The following ADARB2 variants were observed in gnomAD, a reference collection of about 807,000 sequenced individuals.
The protein encoded by ADARB2 is adenosine deaminase RNA specific B2 (inactive).
ADARB2 carries 25 observed loss-of-function variants against 62.2 expected under a neutral mutation model. The ratio of observed to expected loss-of-function variants is 0.40; its 90% CI spans 0.29 to 0.56. The LOEUF (loss-of-function observed/expected upper bound fraction) is 0.56. ADARB2 is among the 20% of genes least tolerant of loss of function. ADARB2 has a pLI of 0.43. For synonymous variants in ADARB2, 572 were observed against 500.8 expected (o/e 1.14, Z -1.90); for missense variants, 1,071 against 1,077.4 (o/e 0.99, Z 0.08).
chr10:1,666,483 C>T (rs1474641232), intron 1 of ADARB2, among the ~76,000 whole-genome samples: 2 of 152,244 alleles, frequency 1.3e-5, no homozygotes, highest in Non-Finnish European at 2.9e-5. Flanking sequence ...CGTGTTCCCG[C>T]AGGAAAGCTG....
At chr10:1,275,492 GTCTT>G (rs765278410) in intron 3 of ADARB2, among the ~76,000 whole-genome samples, 73 of 151,770 alleles carry the variant, frequency 4.8e-4, no homozygotes, top group Middle Eastern at 6.8e-3. Context: ...TCCACAGCCA[GTCTT>G]TCTTTCTTTC....
chr10:1,225,878 A>AT (rs1474632548), intron 6 of ADARB2, among the ~76,000 whole-genome samples: 16 of 152,034 alleles, frequency 1.1e-4, no homozygotes, highest in African/African-American at 3.4e-4. Context: ...GAATCTGACA[A>AT]TTATGTGTCT....
At chr10:1,458,453 T>G (rs2676770) in intron 1 of ADARB2, among the ~76,000 whole-genome samples, 104,614 of 151,976 alleles carry the variant, frequency 0.69, 36,542 homozygotes, top group Middle Eastern at 0.76. Flanking sequence ...TATTATAAGT[T>G]TTATTGATCA....
At chr10:1,548,024 A>G (rs1832552547) in intron 1 of ADARB2, among the ~76,000 whole-genome samples, 1 of 151,882 alleles carries the variant, frequency 6.6e-6, no homozygotes, top group Admixed American at 6.5e-5. Context: ...AATTATAGAG[A>G]ATTTCTGTTT....
intron 8 of ADARB2, among the ~76,000 whole-genome samples, chr10:1,187,251 G>A (rs1836772158): frequency 6.6e-6 from 1 of 152,230 alleles, no homozygotes; most frequent in South Asian, 2.1e-4. Context: ...GGGCCGCCTG[G>A]GCAGGAGGAG....
chr10:1,368,371 G>A (rs377698495), intron 2 of ADARB2, among the ~76,000 whole-genome samples: 1 of 152,148 alleles, frequency 6.6e-6, no homozygotes, highest in East Asian at 1.9e-4. Flanking sequence ...GGGAAATGGT[G>A]GGGCAGACAC....
At chr10:1,310,142 G>C (rs562377332) in intron 3 of ADARB2, among the ~76,000 whole-genome samples, 1 of 152,328 alleles carries the variant, frequency 6.6e-6, no homozygotes, top group African/African-American at 2.4e-5. Context: ...ATCAGATGTT[G>C]AATGGGGCCT....
At chr10:1,579,818 T>C (rs1410968772) in intron 1 of ADARB2, among the ~76,000 whole-genome samples, 1 of 152,168 alleles carries the variant, frequency 6.6e-6, no homozygotes, top group Non-Finnish European at 1.5e-5. Flanking sequence ...TGGTCTGACT[T>C]CTGAGTGGTC....
chr10:1,523,997 A>G (rs1451810238), intron 1 of ADARB2, among the ~76,000 whole-genome samples: 6 of 152,126 alleles, frequency 3.9e-5, no homozygotes, highest in African/African-American at 1.2e-4. Context: ...TCATTTTTTA[A>G]TTAAGCATTT....
At chr10:1,326,769 G>A (rs1195897077) in intron 3 of ADARB2, among the ~76,000 whole-genome samples, 7 of 131,088 alleles carry the variant, frequency 5.3e-5, no homozygotes, top group African/African-American at 1.7e-4. Flanking sequence ...GCCTCTGGTA[G>A]CACAGCCCCT....
intron 1 of ADARB2, among the ~76,000 whole-genome samples, chr10:1,508,650 G>A (rs998835578): frequency 6.6e-6 from 1 of 152,166 alleles, no homozygotes; most frequent in Admixed American, 6.5e-5. Context: ...GTGGTGGTGG[G>A]CACCTGTATT....
intron 1 of ADARB2, among the ~76,000 whole-genome samples, chr10:1,606,231 T>A (rs1048552652): frequency 1.3e-5 from 2 of 152,162 alleles, no homozygotes; most frequent in Non-Finnish European, 2.9e-5. Context: ...CTTCACCCTA[T>A]GGCACTAGTT....
At chr10:1,299,807 G>C (rs974236078) in intron 3 of ADARB2, among the ~76,000 whole-genome samples, 1 of 152,206 alleles carries the variant, frequency 6.6e-6, no homozygotes, top group Admixed American at 6.5e-5. Flanking sequence ...GCAAAGAGAG[G>C]GTCCCACAGT....
At chr10:1,570,923 T>G (rs1279110849) in intron 1 of ADARB2, among the ~76,000 whole-genome samples, 1 of 152,042 alleles carries the variant, frequency 6.6e-6, no homozygotes, top group African/African-American at 2.4e-5. Flanking sequence ...GCTCCAATCA[T>G]CTGAGAGCAC....
chr10:1,544,986 A>ACACACACACACACAC (rs1832498563), intron 1 of ADARB2, among the ~76,000 whole-genome samples: 2 of 9,076 alleles, frequency 2.2e-4, no homozygotes, highest in Non-Finnish European at 1.5e-3. Flanking sequence ...CACACACACA[A>ACACACACACACACAC]TGTCCCTTGC....
In ADARB2 at chr10:1,502,127, A is replaced by G. The variant is rs1011211765; in HGVS notation, c.101-122967T>C. 2.0e-5 allele frequency among the ~76,000 whole-genome samples: 3 copies of G among 152,234 alleles called. No individual in the cohort carries two copies. In the East Asian group the frequency reaches 5.8e-4, roughly 29 times the overall value. ...GCCACACAGTGTCCACCTGGGTGCC[A>G]TCAAGAACGGACACAATAGCTGTTG... On this transcript the variant is annotated intron_variant, in intron 1 of 9. Coordinates refer to ENST00000381312, the MANE Select transcript of ADARB2 (RefSeq NM_018702.4).
chr10:1,660,387 C>T (rs11250714), intron 1 of ADARB2, among the ~76,000 whole-genome samples: 32,443 of 152,142 alleles, frequency 0.21, 3,556 homozygotes, highest in East Asian at 0.28. Context: ...CAAAGTCGGT[C>T]GTAAGGTCCC....
At chr10:1,385,057 T>C (rs1217867163) in intron 1 of ADARB2, among the ~76,000 whole-genome samples, 1 of 152,220 alleles carries the variant, frequency 6.6e-6, no homozygotes, top group Non-Finnish European at 1.5e-5. Flanking sequence ...GAACATGCGC[T>C]AACAAAGACT....
chr10:1,641,246 A>G (rs764437772), intron 1 of ADARB2, among the ~76,000 whole-genome samples: 12 of 152,236 alleles, frequency 7.9e-5, no homozygotes, highest in African/African-American at 1.2e-4. Context: ...TTGACAAAGC[A>G]TGGATTAGCT....
Sources: allele counts gnomAD v4.1 joint callset (sites outside exome capture counted in the v4.1 genomes callset), GRCh38; gene constraint gnomAD v4.1.1; transcripts MANE v1.5; gene names NCBI Gene and HGNC (gene_info 2026-07-23, HGNC 2026-07-21).